MCF2L: variants seen among roughly 807,000 people sequenced by gnomAD.
MCF2L encodes guanine nucleotide exchange factor DBS.
A neutral mutation model predicts 153.4 loss-of-function variants in MCF2L; 97 were observed. The observed-to-expected ratio is 0.63, with a 90% CI of 0.54 to 0.75. The LOEUF (loss-of-function observed/expected upper bound fraction) is 0.75. Among genes scored for constraint, MCF2L ranks in the 30% least tolerant of loss-of-function variants. MCF2L has a pLI of 0.00. For synonymous variants in MCF2L, 659 were observed against 632.2 expected, an observed-to-expected ratio of 1.04 and a Z score of -0.64; for missense variants, 1,347 against 1,495.2, an observed-to-expected ratio of 0.90 and a Z score of 1.64.
In MCF2L at chr13:113,001,839, C is replaced by CCCGGGAAG. The variant is rs1224768179; in HGVS notation, c.80-12924_80-12923insCCGGGAAG. ...CGCGGCCAAGATGGTGCTGGTGCTG[C>CCCGGGAAG]GCCATCCTTTGTGTGCCCGGGAAGG... On this transcript the variant is annotated intron_variant, in intron 1 of 29. Coordinates refer to ENST00000535094, the MANE Select transcript of MCF2L (RefSeq NM_001112732.3). 1,228 of 1,515,648 alleles carry CCCGGGAAG rather than the reference C, an allele frequency of 8.1e-4. 1 individual carries two copies. Among genetic ancestry groups the CCCGGGAAG allele is most frequent in the South Asian group, 1.7e-3 (132 of 79,844 alleles). 93.9% of individuals were successfully genotyped at this position (1,515,648 alleles called of 1,614,324 possible). A position where few individuals can be genotyped will look rare whatever the true frequency, so the allele number is the denominator to read the frequency against.
In MCF2L at chr13:113,024,730, G is replaced by A. The variant is rs750450679; in HGVS notation, c.250G>A (p.Val84Ile). The A allele has an allele frequency of 6.2e-7, 1 of 1,614,180 alleles. No homozygotes were observed. The highest frequency in any genetic ancestry group is 1.7e-5 in the Admixed American group (1 of 60,034). Residue 84 changes from valine to isoleucine, a missense_variant, in exon 3 of 30, where the codon GTC (valine) becomes ATC (isoleucine). This residue lies in a region of MCF2L where 820 missense variants were observed against 921.2 expected (regional missense o/e 0.89). Transcript: ENST00000535094. Reference protein sequence around the residue: ...SEIPDKEFQNVMTYLTSIPSL... With the variant: ...SEIPDKEFQNIMTYLTSIPSL... ...GATTCCGGACAAGGAGTTCCAGAAT[G>A]TCATGACCTACCTCACCAGCATCCC...
In MCF2L at chr13:113,045,314, C is replaced by T. The variant is rs771488258; in HGVS notation, c.322C>T (p.Arg108Ter). ...CGGATTCATCCTGGTGATAGACCGGCGACGGGACAAATGGACCTCCGTGAA... is the reference window on the plus strand; with the variant it reads ...CGGATTCATCCTGGTGATAGACCGGTGACGGGACAAATGGACCTCCGTGAA... ...GIGFILVIDR[R>*]RDKWTSVKAS... The change falls in exon 4 of 30, where the codon CGA becomes TGA. Residue 108 changes from arginine to a stop codon, truncating the protein, a stop_gained. Transcript: ENST00000535094. LOFTEE classifies it high-confidence loss of function. This position sits in a 1 kb window ranked among gnomAD's most constrained non-coding sequence, Gnocchi z 4.2. 4 of 1,614,072 alleles carry T rather than the reference C, an allele frequency of 2.5e-6. No individual in the cohort carries two copies. Among genetic ancestry groups the T allele is most frequent in the Non-Finnish European group, 3.4e-6 (4 of 1,180,024 alleles).
intron 5 of MCF2L, among the ~76,000 whole-genome samples, chr13:113,062,401 T>G (rs1297199595): frequency 1.3e-5 from 2 of 152,170 alleles, no homozygotes; most frequent in Admixed American, 1.3e-4. Flanking sequence ...TTGTGTGTGT[T>G]ATGGCCCTTA....
intron 2 of MCF2L, among the ~76,000 whole-genome samples, chr13:112,914,506 G>A (rs2081270180): frequency 1.3e-5 from 2 of 152,206 alleles, no homozygotes; most frequent in Admixed American, 1.3e-4. Flanking sequence ...ATTCCCAGAG[G>A]CTGAGTGAAA....
rs774006725 is a variant in MCF2L, at chr13:112,960,907, C to T, written c.170-53856C>T. On this transcript the variant is annotated intron_variant, in intron 2 of 29. Transcript: ENST00000375608. This position sits in a 1 kb window ranked among gnomAD's most constrained non-coding sequence, Gnocchi z 4.2. ...TAGCCCCCAATGGCTCTCTGTGGTA[C>T]GTGGGGGCCCAGGTTCTACCGTGAG... 5.3e-5 allele frequency among the ~76,000 whole-genome samples: 8 copies of T among 152,186 alleles called. No homozygotes were observed. The highest frequency in any genetic ancestry group is 8.8e-5 in the Non-Finnish European group (6 of 68,016).
chr13:112,996,963 C>A (rs917952018), intron 1 of MCF2L, among the ~76,000 whole-genome samples: 4 of 152,252 alleles, frequency 2.6e-5, no homozygotes, highest in Admixed American at 2.0e-4. Context: ...GCCAGTCCCG[C>A]CCTCGCTATC....
At chr13:113,052,633 C>CAG (rs1428935611) in intron 4 of MCF2L, 1 of 162,062 alleles carries the variant, frequency 6.2e-6, no homozygotes, top group Non-Finnish European at 1.5e-5. Context: ...CTGTGAGCTG[C>CAG]AGCAGCCTCG....
intron 4 of MCF2L, among the ~76,000 whole-genome samples, chr13:113,050,305 AGT>A (rs1394079489): frequency 1.6e-4 from 22 of 136,730 alleles, no homozygotes; most frequent in Non-Finnish European, 2.4e-4. Context: ...TGTGTGTGAG[AGT>A]GAGTGTGTGT....
At chr13:112,962,401 T>C (rs35371379) in intron 2 of MCF2L, among the ~76,000 whole-genome samples, 99,418 of 152,188 alleles carry the variant, frequency 0.65, 32,774 homozygotes, top group Non-Finnish European at 0.71. Flanking sequence ...CTCGGAGGCC[T>C]GCATGTGCTG....
At chr13:112,958,695 G>C (rs1464037468) in intron 2 of MCF2L, among the ~76,000 whole-genome samples, 1 of 152,128 alleles carries the variant, frequency 6.6e-6, no homozygotes, top group Non-Finnish European at 1.5e-5. Flanking sequence ...GTTACTTCCC[G>C]TGCCTTCATT....
chr13:112,908,074 G>A (rs2081190419), intron 2 of MCF2L, among the ~76,000 whole-genome samples: 1 of 152,112 alleles, frequency 6.6e-6, no homozygotes, highest in African/African-American at 2.4e-5. Flanking sequence ...TTTAAGACAT[G>A]TGTTCAGTGC....
In MCF2L at chr13:113,075,050, G is replaced by A; in HGVS notation, c.1169G>A (p.Gly390Glu). 6.2e-7 allele frequency: 1 copy of A among 1,613,130 alleles called. No individual in the cohort carries two copies. The highest frequency in any genetic ancestry group is 8.5e-7 in the Non-Finnish European group (1 of 1,179,414). The change falls in exon 11 of 30, where the codon GGG (glycine) becomes GAG (glutamate). Residue 390 changes from glycine (G) to glutamate (E), a missense_variant. Gly to Glu is a moderately conservative substitution (Grantham distance 98, BLOSUM62 -2). Coordinates refer to ENST00000535094, the MANE Select transcript of MCF2L (RefSeq NM_001112732.3). ...TCTCTGGACGGCGAGCAGCTCATTG[G>A]GAACAAGCACTACGCGGTAGACTCC... ...ALSLDGEQLI[G>E]NKHYAVDSIR...
At chr13:112,914,652 G>A (rs1031100465) in intron 2 of MCF2L, among the ~76,000 whole-genome samples, 7 of 152,252 alleles carry the variant, frequency 4.6e-5, no homozygotes, top group African/African-American at 7.2e-5. Flanking sequence ...GCTCCAACCT[G>A]AGAATGGTGA....
rs957652868 is a variant in MCF2L, at chr13:112,932,089, G to A, written c.169+29718G>A. ...CCTACTTCCTGAGTGTGGGATGTGC[G>A]CAGCTATGTGGTTCCGAAGAGTTCA... On this transcript the variant is annotated intron_variant, in intron 2 of 29. Transcript: ENST00000375608. The surrounding 1 kb of genome is among the most constrained non-coding windows in gnomAD (Gnocchi z 4.6). 6.6e-6 allele frequency among the ~76,000 whole-genome samples: 1 copy of A among 152,174 alleles called. No homozygotes were observed. Among genetic ancestry groups the A allele is most frequent in the African/African-American group, 2.4e-5 (1 of 41,428 alleles).
chr13:112,984,786 G>A (rs1428072261), intron 1 of MCF2L, among the ~76,000 whole-genome samples: 1 of 152,174 alleles, frequency 6.6e-6, no homozygotes, highest in East Asian at 1.9e-4. Flanking sequence ...CTCCCTCGAA[G>A]GAAAGCTGGA....
At chr13:113,030,296 T>G (rs1414780204) in intron 3 of MCF2L, among the ~76,000 whole-genome samples, 7 of 131,700 alleles carry the variant, frequency 5.3e-5, no homozygotes, top group Non-Finnish European at 1.6e-5. Context: ...GGCCCTCGGG[T>G]GTCCGCCGAC....
At chr13:112,978,053 G>A (rs930617220) in intron 1 of MCF2L, among the ~76,000 whole-genome samples, 2 of 152,194 alleles carry the variant, frequency 1.3e-5, no homozygotes, top group South Asian at 2.1e-4. Context: ...CAATCTGGGG[G>A]ATAGAGCAAG....
chr13:113,059,820 C>G (rs954447026), intron 4 of MCF2L, among the ~76,000 whole-genome samples: 16 of 152,236 alleles, frequency 1.1e-4, no homozygotes, highest in African/African-American at 3.1e-4. Flanking sequence ...ATTCATGTAA[C>G]TGTGTCCAAG....
chr13:113,016,634 C>A (rs9577192), intron 2 of MCF2L, among the ~76,000 whole-genome samples: 1 of 150,938 alleles, frequency 6.6e-6, no homozygotes, highest in Non-Finnish European at 1.5e-5. Flanking sequence ...ATGCTGCCCC[C>A]GCGTCGTATC....
Sources: allele counts gnomAD v4.1 joint callset (sites outside exome capture counted in the v4.1 genomes callset), GRCh38; gene constraint gnomAD v4.1.1; regional missense constraint gnomAD v4.1.1; non-coding constraint Gnocchi (gnomAD v3.1); transcripts MANE v1.5; gene names NCBI Gene and HGNC (gene_info 2026-07-23, HGNC 2026-07-21).